The following USH2A variants were observed in gnomAD, a reference collection of about 807,000 sequenced individuals.
USH2A encodes the protein Usher syndrome 2A (autosomal recessive, mild).
USH2A carries 443 observed loss-of-function variants against 538.9 expected under a neutral mutation model. That is an observed-to-expected ratio of 0.82 (90% CI 0.76 to 0.89). The LOEUF is 0.89. Among genes scored for constraint, USH2A ranks in the 40% least tolerant of loss-of-function variants. USH2A has a pLI of 0.00. For synonymous variants in USH2A, 2,413 were observed against 2,273.5 expected (o/e 1.06, Z -1.75); for missense variants, 6,633 against 6,324.8 (o/e 1.05, Z -1.65).
At chr1:215,685,102 T>G (rs963867533) in intron 61 of USH2A, among the ~76,000 whole-genome samples, 5 of 152,150 alleles carry the variant, frequency 3.3e-5, no homozygotes, top group African/African-American at 1.2e-4. Context: ...AACTGTTATC[T>G]AAAAGCCATG....
intron 38 of USH2A, among the ~76,000 whole-genome samples, chr1:215,909,459 A>G (rs989885036): frequency 2.6e-5 from 4 of 152,106 alleles, no homozygotes; most frequent in African/African-American, 9.6e-5. Context: ...GGTAATAAAA[A>G]CATGTCAGTG....
At chr1:216,275,548 A>C (rs1301845291) in intron 11 of USH2A, among the ~76,000 whole-genome samples, 1 of 152,146 alleles carries the variant, frequency 6.6e-6, no homozygotes, top group African/African-American at 2.4e-5. Flanking sequence ...ATGTTAGTTA[A>C]TTGAATACTT....
intron 13 of USH2A, among the ~76,000 whole-genome samples, chr1:216,242,189 TAA>T (rs11435772): frequency 6.8e-6 from 1 of 146,480 alleles, no homozygotes. Context: ...ATCTCTGCTT[TAA>T]AAAAAAAAAA....
In USH2A at chr1:216,190,140, C is replaced by T. The variant is rs1025445723; in HGVS notation, c.4396+83G>A. On this transcript the variant is annotated intron_variant, in intron 20 of 71. Transcript: ENST00000307340. ...AGGGAGGAGAAGACAAATATAAAGT[C>T]TCAAGTAGAGAAGGTGTTGAATATT... 5 of 1,567,488 alleles carry T rather than the reference C, an allele frequency of 3.2e-6. No homozygotes were observed. In the African/African-American group the frequency reaches 5.5e-5, roughly 17 times the overall value.
At chr1:215,680,450 C>A in intron 61 of USH2A, 74 bp from the exon 62 acceptor site, 1 of 1,477,808 alleles carries the variant, frequency 6.8e-7, no homozygotes, top group South Asian at 1.1e-5. Flanking sequence ...AAGTCATTCT[C>A]TGAACCTCAT....
intron 3 of USH2A, among the ~76,000 whole-genome samples, chr1:216,371,043 A>C (rs573700767): frequency 6.6e-6 from 1 of 152,304 alleles, no homozygotes; most frequent in African/African-American, 2.4e-5. Context: ...ACTCAGGCTA[A>C]ACTGTGCTAG....
intron 3 of USH2A, among the ~76,000 whole-genome samples, chr1:216,395,150 A>T (rs1303648048): frequency 6.6e-6 from 1 of 152,140 alleles, no homozygotes; most frequent in Non-Finnish European, 1.5e-5. Context: ...TTTTCTTTTC[A>T]TGCAACCAAA....
At chr1:216,372,753 G>T (rs919837698) in intron 3 of USH2A, among the ~76,000 whole-genome samples, 2 of 152,220 alleles carry the variant, frequency 1.3e-5, no homozygotes, top group South Asian at 2.1e-4. Flanking sequence ...GTTCCAGCTG[G>T]TTTTTTGTAG....
At position 215,998,926 on chromosome 1, in the gene USH2A, T is replaced by C. The variant is rs745614158; in HGVS notation, c.6618A>G (p.Gln2206=). ...GATATTTATTACCAGGTAAAACGTA[T>C]TGTAGCATATGATCCTGGAAAAGTT... ...STELFQDHML[Q]YVLPGNKYLI... The change falls in exon 34 of 72, where the codon CAA becomes CAG. Residue 2206 remains glutamine (Q), a synonymous_variant. Coordinates refer to ENST00000307340, the MANE Select transcript of USH2A (RefSeq NM_206933.4). 18 of 1,613,174 alleles carry C rather than the reference T, an allele frequency of 1.1e-5. No individual in the cohort carries two copies. The highest frequency in any genetic ancestry group is 9.4e-5 in the African/African-American group (7 of 74,858).
intron 3 of USH2A, among the ~76,000 whole-genome samples, chr1:216,376,721 C>G (rs983698777): frequency 6.6e-6 from 1 of 152,130 alleles, no homozygotes; most frequent in South Asian, 2.1e-4. Context: ...TGTGAACTCA[C>G]TGCTGACCCC....
chr1:215,828,623 G>A (rs899792153), intron 47 of USH2A, among the ~76,000 whole-genome samples: 2 of 152,120 alleles, frequency 1.3e-5, no homozygotes, highest in African/African-American at 2.4e-5. Context: ...TTATTTGTGA[G>A]TGCTACGAAG....
chr1:215,778,549 C>T (rs1348413732), intron 55 of USH2A, among the ~76,000 whole-genome samples: 3 of 152,114 alleles, frequency 2.0e-5, no homozygotes, highest in Non-Finnish European at 2.9e-5. Flanking sequence ...TATTTTGCCA[C>T]CCTGTGTAAG....
chr1:216,358,102 A>C (rs2038422184), intron 4 of USH2A, among the ~76,000 whole-genome samples: 1 of 152,184 alleles, frequency 6.6e-6, no homozygotes, highest in South Asian at 2.1e-4. Context: ...AAGCAAAGAC[A>C]AGTCCTGCAG....
intron 3 of USH2A, among the ~76,000 whole-genome samples, chr1:216,380,176 A>G (rs1427567957): frequency 6.6e-6 from 1 of 152,220 alleles, no homozygotes; most frequent in Non-Finnish European, 1.5e-5. Context: ...GTTAGAAACA[A>G]CATAAAAGAA....
chr1:216,147,808 C>G (rs560444094), intron 21 of USH2A, among the ~76,000 whole-genome samples: 2 of 151,350 alleles, frequency 1.3e-5, no homozygotes, highest in Admixed American at 1.3e-4. Flanking sequence ...CCTCCTCCCC[C>G]AGGAGCTTGC....
Position 216,048,445 on chromosome 1 carries a change from C to T in USH2A, c.6163+89G>A. On this transcript the variant is annotated intron_variant, in intron 31 of 71. Coordinates refer to ENST00000307340, the MANE Select transcript of USH2A (RefSeq NM_206933.4). ...GTCATCAAATTAGGTTGGGGTTTGC[C>T]AGCAAATGGCCTTGTAGCATTTAGC... 3.7e-6 allele frequency: 5 copies of T among 1,349,736 alleles called. No homozygotes were observed. The South Asian group carries it at 5.9e-5, about 16-fold the overall frequency. The allele number at this position is 1,349,736 out of a possible 1,614,324, so 83.6% of individuals were successfully genotyped here. A position where few individuals can be genotyped will look rare whatever the true frequency, so the allele number is the denominator to read the frequency against.
At position 215,879,133 on chromosome 1, in the gene USH2A, G is replaced by C. The variant is rs142611120; in HGVS notation, c.8224-35C>G. ...AAGATAAACTTAGAATCAGTGTGAC[G>C]ATACAGGAATAGAGCAATTGAAGTT... On this transcript the variant is annotated intron_variant, in intron 41 of 71. Transcript: ENST00000307340. 3.8e-6 allele frequency: 6 copies of C among 1,574,520 alleles called. No homozygotes were observed. The Admixed American group carries it at 6.7e-5, about 18-fold the overall frequency.
intron 69 of USH2A, among the ~76,000 whole-genome samples, chr1:215,636,311 A>G (rs1376839326): frequency 6.6e-6 from 1 of 152,178 alleles, no homozygotes; most frequent in Admixed American, 6.5e-5. Context: ...TGGTGACTAA[A>G]ACTAAACTTT....
intron 13 of USH2A, among the ~76,000 whole-genome samples, chr1:216,237,866 TG>T (rs2035861250): frequency 6.6e-6 from 1 of 152,220 alleles, no homozygotes; most frequent in Non-Finnish European, 1.5e-5. Context: ...GTATTTCCTG[TG>T]ACAAGATTCC....
Sources: allele counts gnomAD v4.1 joint callset (sites outside exome capture counted in the v4.1 genomes callset), GRCh38; gene constraint gnomAD v4.1.1; transcripts MANE v1.5; gene names NCBI Gene and HGNC (gene_info 2026-07-23, HGNC 2026-07-21).